The following ADGRV1 variants were observed in gnomAD, a reference collection of about 807,000 sequenced individuals.
The protein encoded by ADGRV1 is adhesion G protein-coupled receptor V1.
A neutral mutation model predicts 596.2 loss-of-function variants in ADGRV1; 359 were observed. The observed-to-expected ratio is 0.60, with a 90% confidence interval of 0.55 to 0.66. The LOEUF is 0.66. Ranked by LOEUF, ADGRV1 falls within the 30% of genes least tolerant of loss-of-function variation. The probability of loss-of-function intolerance (pLI) is 0.00; values close to 1 mark genes in which losing one functional copy is unlikely to be tolerated. For missense variants in ADGRV1, 7,274 were observed against 7,575.6 expected, an observed-to-expected ratio of 0.96 and a Z score of 1.48; for synonymous variants, 2,681 against 2,679.2, an observed-to-expected ratio of 1.00 and a Z score of -0.02.
intron 87 of ADGRV1, among the ~76,000 whole-genome samples, chr5:91,121,149 G>A (rs1024564356): frequency 8.5e-5 from 13 of 152,064 alleles, no homozygotes; most frequent in East Asian, 1.9e-4. Flanking sequence ...ACTCTAGGCC[G>A]GGCAACAGAA....
At chr5:91,036,511 G>C (rs1784923210) in intron 85 of ADGRV1, among the ~76,000 whole-genome samples, 1 of 150,716 alleles carries the variant, frequency 6.6e-6, no homozygotes, top group Non-Finnish European at 1.5e-5. Flanking sequence ...GCAGTGAGCT[G>C]AGATCGCGCC....
intron 34 of ADGRV1, among the ~76,000 whole-genome samples, chr5:90,701,167 C>T (rs6865858): frequency 0.034 from 5,197 of 152,114 alleles, 175 homozygotes; most frequent in African/African-American, 0.09. Context: ...GGTTGTTCTG[C>T]CTTTCATCTT....
rs375342870 is a variant in ADGRV1, at chr5:90,732,936, GC to G, written c.10549+3173del. On this transcript the variant is annotated intron_variant, in intron 50 of 89. Coordinates refer to ENST00000405460, the MANE Select transcript of ADGRV1 (RefSeq NM_032119.4). ...CTCTTAGATCCCTGGATCACACTCA[GC>G]AGTAGTGAGATAGAGAAATCCTTGA... Among the ~76,000 whole-genome samples, 201 of 152,314 alleles carry G rather than the reference GC, an allele frequency of 1.3e-3. 1 individual carries two copies. The highest frequency in any genetic ancestry group is 4.6e-3 in the African/African-American group (193 of 41,568).
At chr5:91,135,655 C>T (rs1794567810) in intron 87 of ADGRV1, among the ~76,000 whole-genome samples, 1 of 152,098 alleles carries the variant, frequency 6.6e-6, no homozygotes, top group Non-Finnish European at 1.5e-5. Flanking sequence ...GCAATACAGG[C>T]TTTTCTGGAG....
At chr5:91,057,306 TA>T (rs1786974180) in intron 85 of ADGRV1, among the ~76,000 whole-genome samples, 1 of 152,136 alleles carries the variant, frequency 6.6e-6, no homozygotes, top group Admixed American at 6.5e-5. Flanking sequence ...AAAGAACAAA[TA>T]AACTATTGTA....
chr5:90,847,624 C>T (rs530595128), intron 78 of ADGRV1, among the ~76,000 whole-genome samples: 13 of 152,284 alleles, frequency 8.5e-5, no homozygotes, highest in African/African-American at 3.1e-4. Flanking sequence ...TGGGGGGAGG[C>T]TCAGGCATGG....
At chr5:90,679,691 A>G in intron 26 of ADGRV1, 62 bp downstream of exon 26, 1 of 1,112,408 alleles carries the variant, frequency 9.0e-7, no homozygotes, top group African/African-American at 1.5e-5. Flanking sequence ...CTCATTTTAG[A>G]GACAATACTA....
At chr5:90,887,538 C>T (rs1358707054) in intron 83 of ADGRV1, among the ~76,000 whole-genome samples, 2 of 152,134 alleles carry the variant, frequency 1.3e-5, no homozygotes, top group African/African-American at 4.8e-5. Context: ...CACTCATTTT[C>T]TGCTGCAGTG....
At chr5:90,702,259 T>C (rs1489041695) in intron 34 of ADGRV1, among the ~76,000 whole-genome samples, 1 of 151,956 alleles carries the variant, frequency 6.6e-6, no homozygotes, top group Non-Finnish European at 1.5e-5. Flanking sequence ...TGACTATACA[T>C]AGTCCTTCAT....
At chr5:90,568,715 G>A (rs1755979867) in intron 1 of ADGRV1, among the ~76,000 whole-genome samples, 1 of 152,096 alleles carries the variant, frequency 6.6e-6, no homozygotes, top group South Asian at 2.1e-4. Context: ...GGGTACTAAA[G>A]TCACTAACTA....
chr5:90,654,389 G>C (rs1769097165), intron 20 of ADGRV1: 1 of 199,554 alleles, frequency 5.0e-6, no homozygotes, highest in Non-Finnish European at 1.0e-5. Context: ...GTAGAGGGTG[G>C]TGGGCGTGAG....
Position 90,644,863 on chromosome 5 carries a change from A to T in ADGRV1, c.2892A>T (p.Pro964=), listed in dbSNP as rs1234122522. The T allele has an allele frequency of 1.1e-5, 17 of 1,591,906 alleles. No homozygotes were observed. The highest frequency in any genetic ancestry group is 1.5e-5 in the Non-Finnish European group (17 of 1,170,986). The change falls in exon 15 of 90, where the codon CCA becomes CCT. Residue 964 remains proline (P), a synonymous_variant. Transcript: ENST00000405460. ...AAAATATCACCATTTACTCCCTTCCAGATGAGGTAAATATTGCATATAACT... is the reference window on the plus strand; with the variant it reads ...AAAATATCACCATTTACTCCCTTCCTGATGAGGTAAATATTGCATATAACT... The part of the protein sequence containing the change: ...FSKNITIYSL[P]DEIPEEMEEF...
chr5:90,758,644 C>T (rs921474142), intron 57 of ADGRV1, among the ~76,000 whole-genome samples: 2 of 152,104 alleles, frequency 1.3e-5, no homozygotes, highest in African/African-American at 4.8e-5. Flanking sequence ...AGTGTGATAT[C>T]CAGGTTTTTC....
chr5:90,847,998 G>T (rs1190775831), intron 78 of ADGRV1, among the ~76,000 whole-genome samples: 1 of 152,080 alleles, frequency 6.6e-6, no homozygotes, highest in Non-Finnish European at 1.5e-5. Context: ...GGCTGTGAGG[G>T]CTGCCAGCAC....
intron 85 of ADGRV1, among the ~76,000 whole-genome samples, chr5:91,060,951 T>C (rs1220636828): frequency 2.6e-5 from 4 of 152,164 alleles, no homozygotes; most frequent in Non-Finnish European, 5.9e-5. Context: ...GCTGTGAGGA[T>C]TTTTTTGCCA....
chr5:90,966,096 C>G (rs1778431115), intron 84 of ADGRV1, among the ~76,000 whole-genome samples: 1 of 152,018 alleles, frequency 6.6e-6, no homozygotes, highest in South Asian at 2.1e-4. Flanking sequence ...AGTTGGAACC[C>G]AGGATGCTTC....
chr5:90,999,991 G>C (rs948399646), intron 85 of ADGRV1, among the ~76,000 whole-genome samples: 2 of 151,882 alleles, frequency 1.3e-5, no homozygotes, highest in Non-Finnish European at 2.9e-5. Context: ...TTCTTTTTCT[G>C]AAAATAATGT....
At chr5:90,941,018 T>C (rs1012911037) in intron 83 of ADGRV1, among the ~76,000 whole-genome samples, 3 of 152,110 alleles carry the variant, frequency 2.0e-5, no homozygotes, top group Non-Finnish European at 4.4e-5. Flanking sequence ...CCCTCCCATT[T>C]AGAACTGAAT....
chr5:91,079,764 T>C (rs1204136343), intron 86 of ADGRV1, among the ~76,000 whole-genome samples: 4 of 152,214 alleles, frequency 2.6e-5, no homozygotes, highest in African/African-American at 9.6e-5. Context: ...CAATTGGAGA[T>C]GGATGAGGAC....
Sources: allele counts gnomAD v4.1 joint callset (sites outside exome capture counted in the v4.1 genomes callset), GRCh38; gene constraint gnomAD v4.1.1; transcripts MANE v1.5; gene names NCBI Gene and HGNC (gene_info 2026-07-23, HGNC 2026-07-21).